Variants in RELL1 observed in about 807,000 individuals in gnomAD.
RELL1 encodes RELT like 1, also known as RELT-like protein 1.
A neutral mutation model predicts 23.0 loss-of-function variants in RELL1; 10 were observed. The observed-to-expected ratio is 0.43, with a 90% CI of 0.27 to 0.74. RELL1 has a LOEUF of 0.74. RELL1 is among the 30% of genes least tolerant of loss of function. The probability of loss-of-function intolerance (pLI) is 0.19; values close to 1 mark genes in which losing one functional copy is unlikely to be tolerated. For missense variants in RELL1, 315 were observed against 364.4 expected, an observed-to-expected ratio of 0.86 and a Z score of 1.10; for synonymous variants, 146 against 146.8, an observed-to-expected ratio of 0.99 and a Z score of 0.04.
intron 1 of RELL1, among the ~76,000 whole-genome samples, chr4:37,654,723 A>G (rs183722337): frequency 4.3e-4 from 66 of 152,346 alleles, no homozygotes; most frequent in African/African-American, 1.5e-3. Context: ...TATCTAAATC[A>G]TGGTTTCATT....
At chr4:37,588,832 G>A (rs1256615928), downstream of RELL1, 15 of 1,595,978 alleles carry the variant, frequency 9.4e-6, no homozygotes, top group South Asian at 7.7e-5. Context: ...TACCTTTTAC[G>A]CTTTCTTTTC....
rs1457772644 is a variant in RELL1 at position 37,611,714 on chromosome 4, G to A, written c.*1632C>T. The stretch of plus-strand genomic sequence containing the variant: ...GCCTCTGGGTCCTTTCAGGTGTTTT[G>A]TAAAATGTACAGTTATAAAAAAAAA... On this transcript the variant is annotated 3_prime_UTR_variant, in exon 7 of 7. Coordinates refer to ENST00000454158, the MANE Select transcript of RELL1 (RefSeq NM_001085400.2). Among the ~76,000 whole-genome samples the A allele has an allele frequency of 6.6e-6, 1 of 150,560 alleles. No individual in the cohort carries two copies. The highest frequency in any genetic ancestry group is 1.9e-4 in the East Asian group (1 of 5,132).
chr4:37,635,240 C>T lies in RELL1; in HGVS notation c.444-117G>A, dbSNP rs898840643. ...ATTGAAAGAAAAAAAAAAGCGTCTT[C>T]CAATTGTACAAATGGACTTTGTGAA... On this transcript the variant is annotated intron_variant, in intron 4 of 6. Coordinates refer to ENST00000454158, the MANE Select transcript of RELL1 (RefSeq NM_001085400.2). The T allele has an allele frequency of 1.1e-5, 9 of 784,388 alleles. No individual in the cohort carries two copies. In the Admixed American group the frequency reaches 1.5e-4, roughly 13 times the overall value. 48.6% of individuals were successfully genotyped at this position (784,388 alleles called of 1,614,324 possible).
intron 1 of RELL1, among the ~76,000 whole-genome samples, chr4:37,678,679 T>C (rs1722100419): frequency 6.6e-6 from 1 of 152,262 alleles, no homozygotes; most frequent in African/African-American, 2.4e-5. Flanking sequence ...GTATCTGGTT[T>C]AGCCTAGGCA....
intron 6 of RELL1, among the ~76,000 whole-genome samples, chr4:37,613,578 G>A (rs998874569): frequency 1.3e-5 from 2 of 151,712 alleles, no homozygotes; most frequent in Non-Finnish European, 2.9e-5. Flanking sequence ...CTGTTTAAAT[G>A]TATGTGCCCC....
At chr4:37,617,741 C>T (rs1400703004) in intron 6 of RELL1, among the ~76,000 whole-genome samples, 1 of 152,244 alleles carries the variant, frequency 6.6e-6, no homozygotes. Context: ...CGAGATTGCA[C>T]CACTGTACTC....
chr4:37,621,435 G>A (rs1044155136), intron 6 of RELL1, among the ~76,000 whole-genome samples: 9 of 151,850 alleles, frequency 5.9e-5, no homozygotes, highest in African/African-American at 1.9e-4. Flanking sequence ...CAGCCTGGGG[G>A]ACAGAGCAAG....
At position 37,638,622 on chromosome 4, in the gene RELL1, T is replaced by G. The variant is rs548001484; in HGVS notation, c.386-118A>C. The G allele has an allele frequency of 2.6e-4, 199 of 764,714 alleles. 1 individual carries two copies. The highest frequency in any genetic ancestry group is 2.3e-5 in the Non-Finnish European group (11 of 478,110). 47.4% of individuals were successfully genotyped at this position (764,714 alleles called of 1,614,324 possible). A position where few individuals can be genotyped will look rare whatever the true frequency, so the allele number is the denominator to read the frequency against. On this transcript the variant is annotated intron_variant, in intron 3 of 6. Coordinates refer to ENST00000454158, the MANE Select transcript of RELL1 (RefSeq NM_001085400.2). ...TTCTTTCAGTTCATAGATGAAGTCC[T>G]GGGGGCCTAGAGAAAGGAGGGTCTC... is the stretch of plus-strand genomic sequence containing the variant.
At chr4:37,670,575 CTT>C (rs760432733) in intron 1 of RELL1, among the ~76,000 whole-genome samples, 8 of 145,078 alleles carry the variant, frequency 5.5e-5, no homozygotes, top group Admixed American at 6.9e-5. Context: ...CCCACTAAAT[CTT>C]TTTTTTTTTT....
intron 1 of RELL1, among the ~76,000 whole-genome samples, chr4:37,665,028 T>G (rs1335493827): frequency 1.3e-5 from 2 of 152,220 alleles, no homozygotes; most frequent in Non-Finnish European, 2.9e-5. Context: ...ACACAGTTCC[T>G]GCAACACAGT....
chr4:37,602,292 C>G (rs1453989488), intron 6 of RELL1, among the ~76,000 whole-genome samples: 3 of 151,520 alleles, frequency 2.0e-5, no homozygotes, highest in Admixed American at 6.6e-5. Flanking sequence ...TTCATCACAC[C>G]AGGAAAGAAG....
At chr4:37,617,265 C>T (rs946303253) in intron 6 of RELL1, among the ~76,000 whole-genome samples, 2 of 152,284 alleles carry the variant, frequency 1.3e-5, no homozygotes, top group East Asian at 3.9e-4. Flanking sequence ...CTATAAGGTG[C>T]TTCATTGATT....
chr4:37,607,658 C>T (rs923751869), downstream of RELL1, among the ~76,000 whole-genome samples: 1 of 149,742 alleles, frequency 6.7e-6, no homozygotes, highest in African/African-American at 2.5e-5. Context: ...CAGCTCACTG[C>T]AACCTCCTCT....
intron 6 of RELL1, chr4:37,591,819 T>C (rs569069686): frequency 1.3e-5 from 2 of 152,326 alleles, no homozygotes; most frequent in East Asian, 3.9e-4. Context: ...AATTAAAATA[T>C]AACAACGTAT....
intron 1 of RELL1, among the ~76,000 whole-genome samples, chr4:37,670,056 TA>T (rs537851204): frequency 0.038 from 3,721 of 98,618 alleles, 122 homozygotes; most frequent in African/African-American, 0.11. Flanking sequence ...TAAATAAATA[TA>T]AAAAAAAAAA....
At position 37,625,887 on chromosome 4, in the gene RELL1, TCAATAAAAATAAATAAA is replaced by T. The variant is rs1347412868; in HGVS notation, c.*3+5481_*3+5497del. ...ACATAATAAATATAGATAATTTTTGTCAATAAAAATAAATAAAATGTTAAAAAAATTGTAATGGGCAA... is the reference window on the plus strand; with the variant it reads ...ACATAATAAATATAGATAATTTTTGTATGTTAAAAAAATTGTAATGGGCAA... On this transcript the variant is annotated intron_variant, in intron 6 of 6. Transcript: ENST00000454158. Among the ~76,000 whole-genome samples the T allele has an allele frequency of 4.0e-5, 6 of 151,624 alleles. No homozygotes were observed. The East Asian group carries it at 1.2e-3, about 30-fold the overall frequency.
At chr4:37,661,308 G>A (rs985399247) in intron 1 of RELL1, among the ~76,000 whole-genome samples, 8 of 151,982 alleles carry the variant, frequency 5.3e-5, no homozygotes, top group African/African-American at 1.9e-4. Context: ...TTGAGACAGA[G>A]TCACTCTGTC....
At chr4:37,598,252 CAAAAAAAA>C (rs56142508) in intron 6 of RELL1, among the ~76,000 whole-genome samples, 6 of 11,342 alleles carry the variant, frequency 5.3e-4, no homozygotes, top group Admixed American at 2.0e-3. Flanking sequence ...AACTCTGTCT[CAAAAAAAA>C]AAAAAAAAAA....
intron 1 of RELL1, among the ~76,000 whole-genome samples, chr4:37,681,657 T>C (rs1319775257): frequency 2.0e-5 from 3 of 150,824 alleles, no homozygotes. Flanking sequence ...GCCTCCCCAG[T>C]AGCTGGGACT....
Sources: gnomAD v4.1 joint callset for allele counts (sites outside exome capture counted in the v4.1 genomes callset) on GRCh38, gnomAD v4.1.1 for gene constraint, MANE v1.5 for transcripts, NCBI Gene and HGNC (gene_info 2026-07-23, HGNC 2026-07-21) for gene names.